Variants in GRIK2 observed in about 807,000 individuals in gnomAD.
GRIK2 encodes the protein glutamate receptor ionotropic, kainate 2.
GRIK2 carries 32 observed loss-of-function variants against 100.3 expected under a neutral mutation model. The observed-to-expected ratio is 0.32, with a 90% CI of 0.24 to 0.43. The LOEUF (loss-of-function observed/expected upper bound fraction) is 0.43, where lower values mean the gene tolerates loss of function less well. Among genes scored for constraint, GRIK2 ranks in the 20% least tolerant of loss-of-function variants. The pLI is 1.00. For missense variants in GRIK2, 843 were observed against 1,114.9 expected (o/e 0.76, Z 3.47); for synonymous variants, 417 against 389.4 (o/e 1.07, Z -0.83).
intron 2 of GRIK2, among the ~76,000 whole-genome samples, chr6:101,571,791 A>G (rs1254349812): frequency 1.3e-5 from 2 of 152,180 alleles, no homozygotes; most frequent in African/African-American, 2.4e-5. Flanking sequence ...TGGTATTAAA[A>G]GGGAATAATT....
intron 2 of GRIK2, among the ~76,000 whole-genome samples, chr6:101,592,624 T>TATATATA (rs71028078): frequency 4.5e-4 from 60 of 133,412 alleles, no homozygotes; most frequent in South Asian, 9.6e-4. Flanking sequence ...TATATATATA[T>TATATATA]TGCTTTTTCA....
chr6:101,899,666 A>G (rs900787972), intron 12 of GRIK2, among the ~76,000 whole-genome samples: 2 of 152,148 alleles, frequency 1.3e-5, no homozygotes, highest in Non-Finnish European at 2.9e-5. Context: ...TGATAAAATG[A>G]GATGAACGCA....
intron 2 of GRIK2, among the ~76,000 whole-genome samples, chr6:101,449,009 A>G (rs1452204785): frequency 1.3e-5 from 2 of 151,702 alleles, no homozygotes; most frequent in African/African-American, 4.8e-5. Context: ...TATACTGGAA[A>G]GAAATACATC....
At chr6:101,907,301 G>A (rs1040259205) in intron 12 of GRIK2, among the ~76,000 whole-genome samples, 1 of 151,492 alleles carries the variant, frequency 6.6e-6, no homozygotes, top group Non-Finnish European at 1.5e-5. Flanking sequence ...AGACATTTAG[G>A]GAAACTTAAT....
At chr6:101,498,701 T>A (rs1773584885) in intron 2 of GRIK2, among the ~76,000 whole-genome samples, 3 of 151,950 alleles carry the variant, frequency 2.0e-5, no homozygotes, top group Non-Finnish European at 2.9e-5. Flanking sequence ...CTTTGCCCAC[T>A]TTTTGATGGG....
In GRIK2 at chr6:101,513,207, C is replaced by T. The variant is rs187334229; in HGVS notation, c.116-108742C>T. The stretch of plus-strand genomic sequence containing the variant: ...AATACATTGGTTTGGTCCAGAAAGG[C>T]GGAACAACTCAAAGGGGTGTGAGAG... On this transcript the variant is annotated intron_variant, in intron 2 of 16. Transcript: ENST00000369134. Among the ~76,000 whole-genome samples, 827 of 151,952 alleles carry T rather than the reference C, an allele frequency of 5.4e-3. 7 individuals are homozygous for T. Among genetic ancestry groups the T allele is most frequent in the African/African-American group, 0.019 (786 of 41,460 alleles).
intron 12 of GRIK2, among the ~76,000 whole-genome samples, chr6:101,917,562 A>C (rs1262727599): frequency 1.3e-5 from 2 of 151,072 alleles, no homozygotes; most frequent in Non-Finnish European, 3.0e-5. Flanking sequence ...TAAATAACCA[A>C]GTTAGCATTA....
At chr6:102,026,148 A>ATATATATG (rs1769693791) in intron 14 of GRIK2, among the ~76,000 whole-genome samples, 6 of 112,456 alleles carry the variant, frequency 5.3e-5, no homozygotes, top group Non-Finnish European at 1.2e-4. Flanking sequence ...ATATATATAT[A>ATATATATG]TATATATGAA....
chr6:101,538,859 T>C (rs1775850231), intron 2 of GRIK2, among the ~76,000 whole-genome samples: 1 of 151,786 alleles, frequency 6.6e-6, no homozygotes, highest in Non-Finnish European at 1.5e-5. Context: ...GAATGTTTTG[T>C]GAAATTTATC....
At chr6:101,813,757 A>T (rs1392159735) in intron 9 of GRIK2, among the ~76,000 whole-genome samples, 4 of 152,080 alleles carry the variant, frequency 2.6e-5, no homozygotes, top group African/African-American at 9.7e-5. Flanking sequence ...TGAGGTCAGG[A>T]GTTCAAGACC....
intron 7 of GRIK2, among the ~76,000 whole-genome samples, chr6:101,722,317 CAAA>C (rs953467552): frequency 5.9e-5 from 9 of 151,886 alleles, no homozygotes; most frequent in African/African-American, 2.2e-4. Context: ...CAAACAACAA[CAAA>C]AAAATTTCTG....
At chr6:102,061,270 GACTTT>G (rs1472229026) in intron 16 of GRIK2, among the ~76,000 whole-genome samples, 2 of 150,196 alleles carry the variant, frequency 1.3e-5, no homozygotes, top group African/African-American at 4.9e-5. Context: ...TTTTATAAAT[GACTTT>G]AGTTTTTAAA....
chr6:101,420,305 C>T (rs190169483), intron 2 of GRIK2, among the ~76,000 whole-genome samples: 14 of 152,270 alleles, frequency 9.2e-5, no homozygotes, highest in Admixed American at 9.2e-4. Context: ...CTTTTGCTTG[C>T]TTTTGAACAG....
At chr6:101,858,870 C>A (rs561742972) in intron 10 of GRIK2, among the ~76,000 whole-genome samples, 1 of 151,118 alleles carries the variant, frequency 6.6e-6, no homozygotes, top group South Asian at 2.1e-4. Context: ...TCCATAGATC[C>A]CATGGAAACA....
intron 2 of GRIK2, among the ~76,000 whole-genome samples, chr6:101,568,200 T>C (rs775136670): frequency 1.3e-5 from 2 of 152,008 alleles, no homozygotes; most frequent in Non-Finnish European, 2.9e-5. Context: ...ATTTTTTCAT[T>C]TGATTTTCTC....
intron 7 of GRIK2, among the ~76,000 whole-genome samples, chr6:101,696,885 T>G (rs186434753): frequency 7.9e-5 from 12 of 152,136 alleles, no homozygotes; most frequent in Admixed American, 7.9e-4. Flanking sequence ...TGCAGCCAGA[T>G]TTTTTGCTTC....
intron 14 of GRIK2, among the ~76,000 whole-genome samples, chr6:101,989,522 G>GA (rs935858202): frequency 2.1e-5 from 3 of 140,584 alleles, no homozygotes; most frequent in Non-Finnish European, 3.1e-5. Context: ...TCATTTGTAG[G>GA]AAAAAAAGCA....
chr6:101,492,059 T>A (rs1773152649), intron 2 of GRIK2, among the ~76,000 whole-genome samples: 1 of 151,964 alleles, frequency 6.6e-6, no homozygotes, highest in South Asian at 2.1e-4. Context: ...GGTTAATCAC[T>A]TAGTTAAGGT....
At chr6:101,902,746 A>G (rs915074799) in intron 12 of GRIK2, among the ~76,000 whole-genome samples, 1 of 149,084 alleles carries the variant, frequency 6.7e-6, no homozygotes, top group African/African-American at 2.6e-5. Flanking sequence ...ATTTTTAACC[A>G]AAAGTTCTTA....
Sources: allele counts gnomAD v4.1 joint callset (sites outside exome capture counted in the v4.1 genomes callset), GRCh38; gene constraint gnomAD v4.1.1; transcripts MANE v1.5; gene names NCBI Gene and HGNC (gene_info 2026-07-23, HGNC 2026-07-21).